ZDHHC21: variants seen among roughly 807,000 people sequenced by gnomAD.
The protein encoded by ZDHHC21 is zDHHC palmitoyltransferase 21, also known as palmitoyltransferase ZDHHC21.
Under a neutral mutation model 34.6 loss-of-function variants are expected in ZDHHC21, and 15 were observed. The observed-to-expected ratio is 0.43, with a 90% confidence interval of 0.29 to 0.67. ZDHHC21 has a LOEUF of 0.67. Ranked by LOEUF, ZDHHC21 falls within the 30% of genes least tolerant of loss-of-function variation. The pLI is 0.14. For missense variants in ZDHHC21, 344 were observed against 327.7 expected, an observed-to-expected ratio of 1.05 and a Z score of -0.38; for synonymous variants, 142 against 101.8, an observed-to-expected ratio of 1.40 and a Z score of -2.38.
the ZDHHC21 span, among the ~76,000 whole-genome samples, chr9:14,604,135 G>A: frequency 6.6e-6 from 1 of 152,138 alleles, no homozygotes; most frequent in Non-Finnish European, 1.5e-5. Flanking sequence ...TGTGGGGGAA[G>A]ATGAAACAAT....
the ZDHHC21 span, among the ~76,000 whole-genome samples, chr9:14,601,894 G>A: frequency 4.6e-5 from 7 of 152,180 alleles, no homozygotes; most frequent in South Asian, 8.3e-4. Flanking sequence ...ACGCTCACAG[G>A]AACAGAAAAC....
intron 8 of ZDHHC21, chr9:14,622,454 T>C: frequency 2.2e-6 from 2 of 896,206 alleles, no homozygotes; most frequent in Non-Finnish European, 2.7e-6. Context: ...GAGATATCTC[T>C]TGGCTTGATG....
At chr9:14,655,885 T>C (rs1832116088) in intron 7 of ZDHHC21, among the ~76,000 whole-genome samples, 1 of 151,628 alleles carries the variant, frequency 6.6e-6, no homozygotes, top group African/African-American at 2.4e-5. Context: ...ATATCTGCTG[T>C]CTGTAAGGCA....
rs1022885523 is a variant in ZDHHC21, at chr9:14,684,737, A to C, written c.-175-4575T>G. Among the ~76,000 whole-genome samples the C allele has an allele frequency of 6.2e-4, 94 of 152,158 alleles. 1 individual carries two copies. Among genetic ancestry groups the C allele is most frequent in the Non-Finnish European group, 1.6e-4 (11 of 68,040 alleles). ...CATATGGAACCAAAAAAGAACCCGC[A>C]TTGCCAAGTCAATCCTAAGCAAAAA... On this transcript the variant is annotated intron_variant, in intron 2 of 9. Coordinates refer to ENST00000380916, the MANE Select transcript of ZDHHC21 (RefSeq NM_178566.6).
intron 9 of ZDHHC21, 118 bp downstream of exon 9, chr9:14,619,521 C>T (rs1022712555): frequency 2.3e-6 from 2 of 864,534 alleles, no homozygotes; most frequent in Non-Finnish European, 3.5e-6. Flanking sequence ...AGGCCTCAGA[C>T]AATGCACCAA....
intron 5 of ZDHHC21, among the ~76,000 whole-genome samples, chr9:14,663,907 G>C (rs924959842): frequency 6.6e-6 from 1 of 152,152 alleles, no homozygotes; most frequent in Non-Finnish European, 1.5e-5. Flanking sequence ...TTAATCTATA[G>C]CATATTACAA....
At chr9:14,629,013 G>C (rs1376710361) in intron 8 of ZDHHC21, among the ~76,000 whole-genome samples, 1 of 152,118 alleles carries the variant, frequency 6.6e-6, no homozygotes, top group Non-Finnish European at 1.5e-5. Flanking sequence ...CCCAGCTAAA[G>C]AGATTTAAAA....
chr9:14,671,458 A>G (rs1261193102), intron 5 of ZDHHC21, among the ~76,000 whole-genome samples: 1 of 152,114 alleles, frequency 6.6e-6, no homozygotes, highest in Non-Finnish European at 1.5e-5. Flanking sequence ...AATGTCAGTA[A>G]GTCTCTCACA....
chr9:14,663,529 TTC>T (rs1163062021), intron 5 of ZDHHC21, among the ~76,000 whole-genome samples: 2 of 151,788 alleles, frequency 1.3e-5, no homozygotes, highest in East Asian at 1.9e-4. Flanking sequence ...ATATTTTTAT[TTC>T]TTTTTTTTCT....
At chr9:14,604,778 T>C in the ZDHHC21 span, among the ~76,000 whole-genome samples, 1 of 152,324 alleles carries the variant, frequency 6.6e-6, no homozygotes, top group South Asian at 2.1e-4. Flanking sequence ...ATTTTAAGTA[T>C]AGTGCAGTAC....
At chr9:14,646,835 G>C (rs986853551) in intron 7 of ZDHHC21, among the ~76,000 whole-genome samples, 4 of 151,768 alleles carry the variant, frequency 2.6e-5, no homozygotes, top group African/African-American at 9.7e-5. Context: ...ATCTCCATCT[G>C]ATATATATCT....
intron 3 of ZDHHC21, among the ~76,000 whole-genome samples, chr9:14,676,433 G>T (rs1336134994): frequency 2.6e-5 from 4 of 151,742 alleles, no homozygotes; most frequent in African/African-American, 9.7e-5. Flanking sequence ...AAGAGATTAA[G>T]GAATACTTGA....
intron 3 of ZDHHC21, among the ~76,000 whole-genome samples, chr9:14,676,845 A>G (rs1385779466): frequency 6.6e-6 from 1 of 152,028 alleles, no homozygotes; most frequent in East Asian, 1.9e-4. Context: ...ATCAAGTGCT[A>G]AAAGAAATGA....
At chr9:14,679,567 G>C (rs1837012381) in intron 3 of ZDHHC21, among the ~76,000 whole-genome samples, 1 of 152,016 alleles carries the variant, frequency 6.6e-6, no homozygotes, top group Non-Finnish European at 1.5e-5. Flanking sequence ...TGAAAAGGAA[G>C]GCTTTCAAAT....
intron 8 of ZDHHC21, among the ~76,000 whole-genome samples, chr9:14,620,704 T>C (rs1323473111): frequency 6.6e-6 from 1 of 152,014 alleles, no homozygotes; most frequent in African/African-American, 2.4e-5. Context: ...TGTTAATAGC[T>C]CATAATATTA....
the ZDHHC21 span, among the ~76,000 whole-genome samples, chr9:14,592,727 G>T: frequency 6.6e-5 from 10 of 152,024 alleles, no homozygotes; most frequent in African/African-American, 2.2e-4. Flanking sequence ...TTCTTCTCAA[G>T]CACATATGAA....
intron 7 of ZDHHC21, among the ~76,000 whole-genome samples, chr9:14,644,361 CTT>C (rs2133763014): frequency 6.6e-6 from 1 of 152,064 alleles, no homozygotes; most frequent in Non-Finnish European, 1.5e-5. Context: ...CTTTCTTTCT[CTT>C]GTCTTACTGC....
intron 7 of ZDHHC21, among the ~76,000 whole-genome samples, chr9:14,653,204 T>C (rs887627836): frequency 1.3e-5 from 2 of 152,000 alleles, no homozygotes; most frequent in Admixed American, 1.3e-4. Flanking sequence ...CATAGTTTTA[T>C]ACACATAATC....
At chr9:14,596,220 T>C in the ZDHHC21 span, among the ~76,000 whole-genome samples, 39 of 152,324 alleles carry the variant, frequency 2.6e-4, 1 homozygote, top group South Asian at 7.9e-3. Flanking sequence ...TACAATGGAA[T>C]TTGGCTCAGC....
Sources: gnomAD v4.1 joint callset for allele counts (sites outside exome capture counted in the v4.1 genomes callset) on GRCh38, gnomAD v4.1.1 for gene constraint, MANE v1.5 for transcripts, NCBI Gene and HGNC (gene_info 2026-07-23, HGNC 2026-07-21) for gene names.